IGFBPL1: variants seen among roughly 807,000 people sequenced by gnomAD.
IGFBPL1 encodes the protein insulin like growth factor binding protein like 1.
A neutral mutation model predicts 23.9 loss-of-function variants in IGFBPL1; 20 were observed. The ratio of observed to expected loss-of-function variants is 0.84; its 90% confidence interval spans 0.59 to 1.22. The LOEUF (loss-of-function observed/expected upper bound fraction) is 1.22, where lower values mean the gene tolerates loss of function less well. IGFBPL1 is among the 50% of genes most tolerant of loss of function. IGFBPL1 has a pLI of 0.00. For missense variants in IGFBPL1, 436 were observed against 379.3 expected, an observed-to-expected ratio of 1.15 and a Z score of -1.24; for synonymous variants, 184 against 171.8, an observed-to-expected ratio of 1.07 and a Z score of -0.56.
rs1264494892 is a variant in IGFBPL1 at position 38,424,078 on chromosome 9, C to G, written c.347G>C (p.Gly116Ala). 5 of 1,394,834 alleles carry G rather than the reference C, an allele frequency of 3.6e-6. No homozygotes were observed. The highest frequency in any genetic ancestry group is 4.6e-6 in the Non-Finnish European group (5 of 1,079,914). The allele number at this position is 1,394,834 out of a possible 1,614,324, so 86.4% of individuals were successfully genotyped here. A position where few individuals can be genotyped will look rare whatever the true frequency, so the allele number is the denominator to read the frequency against. ...GCTGGGGTACGAGCGACCGTCGGAGCCGCAGACGGTGCCGCGCTGCGCGCA... is the reference window on the plus strand; with the variant it reads ...GCTGGGGTACGAGCGACCGTCGGAGGCGCAGACGGTGCCGCGCTGCGCGCA... Reference protein sequence around the residue: ...CVCAQRGTVCGSDGRSYPSVC... With the variant: ...CVCAQRGTVCASDGRSYPSVC... Residue 116 changes from glycine to alanine, a missense_variant, in exon 1 of 5, where the codon GGC (glycine) becomes GCC (alanine). Gly to Ala is a moderately conservative substitution (Grantham distance 60). Transcript: ENST00000377694.
At chr9:38,422,043 T>C (rs776608250) in intron 1 of IGFBPL1, among the ~76,000 whole-genome samples, 1 of 152,178 alleles carries the variant, frequency 6.6e-6, no homozygotes, top group Non-Finnish European at 1.5e-5. Flanking sequence ...CATTTACTTG[T>C]CATTTGGTAA....
chr9:38,419,736 CT>C (rs1821648031), intron 1 of IGFBPL1, among the ~76,000 whole-genome samples: 1 of 152,204 alleles, frequency 6.6e-6, no homozygotes, highest in African/African-American at 2.4e-5. Flanking sequence ...CATCATAATA[CT>C]AAGGCCATAC....
rs981237442 is a variant in IGFBPL1, at chr9:38,406,576, A to G, written c.*2651T>C. The stretch of plus-strand genomic sequence containing the variant: ...TTCAGGGTGCAGGGGTCGTGACATC[A>G]TGACATCTACAAAAACGGTAGAAAA... On this transcript the variant is annotated 3_prime_UTR_variant, in exon 5 of 5. Transcript: ENST00000377694. 6.6e-6 allele frequency among the ~76,000 whole-genome samples: 1 copy of G among 152,186 alleles called. No homozygotes were observed. The highest frequency in any genetic ancestry group is 2.4e-5 in the African/African-American group (1 of 41,436).
rs1821441520 is a variant in IGFBPL1, at chr9:38,407,298, A to G, written c.*1929T>C. Among the ~76,000 whole-genome samples, 1 of 152,186 alleles carries G rather than the reference A, an allele frequency of 6.6e-6. No individual in the cohort carries two copies. The highest frequency in any genetic ancestry group is 6.5e-5 in the Admixed American group (1 of 15,284). The stretch of plus-strand genomic sequence containing the variant: ...GTTTGAAAACCACTCATCTAGTTTT[A>G]TTCCCTTTTTACTCAAATAAGGACA... On this transcript the variant is annotated 3_prime_UTR_variant, in exon 5 of 5. Transcript: ENST00000377694.
intron 1 of IGFBPL1, among the ~76,000 whole-genome samples, chr9:38,414,490 G>A (rs1259212202): frequency 6.6e-6 from 1 of 152,194 alleles, no homozygotes; most frequent in African/African-American, 2.4e-5. Context: ...TTGGGCCTCA[G>A]TGCTCCCTCC....
intron 1 of IGFBPL1, among the ~76,000 whole-genome samples, chr9:38,418,292 C>A (rs185778484): frequency 2.6e-5 from 4 of 152,314 alleles, no homozygotes; most frequent in Non-Finnish European, 5.9e-5. Flanking sequence ...CTTTCTCTGC[C>A]ACGTCCCAGT....
chr9:38,424,015 CG>C lies in IGFBPL1; in HGVS notation c.409del (p.Arg137AlafsTer42). ...ALRLRARHTPRAHPGHLHKAR... is the reference protein window; with the variant it reads ...ALRLRARHTPXAHPGHLHKAR... ...CTTGTGCAGGTGACCGGGGTGCGCG[CG>C]GGGCGTGTGCCGAGCGCGCAGGCGC... On this transcript the variant is annotated frameshift_variant, in exon 1 of 5. Transcript: ENST00000377694. LOFTEE classifies it high-confidence loss of function. 7.1e-7 allele frequency: 1 copy of C among 1,409,028 alleles called. No homozygotes were observed. Among genetic ancestry groups the C allele is most frequent in the South Asian group, 1.5e-5 (1 of 65,050 alleles). 87.3% of individuals were successfully genotyped at this position (1,409,028 alleles called of 1,614,324 possible).
At position 38,422,305 on chromosome 9, in the gene IGFBPL1, C is replaced by T. The variant is rs1391935055; in HGVS notation, c.460+1660G>A. On this transcript the variant is annotated intron_variant, in intron 1 of 4. Coordinates refer to ENST00000377694, the MANE Select transcript of IGFBPL1 (RefSeq NM_001007563.3). Reference sequence around the variant, plus strand: ...CTGAATGTCTTTAAGGTGCCTTTCTCTTAGGAAGAGAATGCCACTCTGGGG... The same window carrying T: ...CTGAATGTCTTTAAGGTGCCTTTCTTTTAGGAAGAGAATGCCACTCTGGGG... Among the ~76,000 whole-genome samples the T allele has an allele frequency of 3.3e-5, 5 of 152,174 alleles. No individual in the cohort carries two copies. In the East Asian group the frequency reaches 7.7e-4, roughly 23 times the overall value.
At chr9:38,417,088 A>T (rs979962400) in intron 1 of IGFBPL1, among the ~76,000 whole-genome samples, 1 of 152,316 alleles carries the variant, frequency 6.6e-6, no homozygotes, top group South Asian at 2.1e-4. Flanking sequence ...TTATTATGCT[A>T]TCAGCTAGCA....
At chr9:38,414,849 C>T (rs1008176446) in intron 1 of IGFBPL1, among the ~76,000 whole-genome samples, 1 of 152,136 alleles carries the variant, frequency 6.6e-6, no homozygotes, top group Non-Finnish European at 1.5e-5. Context: ...CAGAACATGA[C>T]GGAGAGGAGA....
chr9:38,414,131 A>C lies in IGFBPL1; in HGVS notation c.533T>G (p.Val178Gly). ...GATGACTGGGGTAGGCACAGCCCTC[A>C]CTTCACAGGACAGGCCCACCTGCGC... ...TGAQVGLSCE[V>G]RAVPTPVITW... Residue 178 changes from valine (V) to glycine (G), a missense_variant, in exon 2 of 5, where the codon GTG (valine) becomes GGG (glycine). Physicochemically the swap from Val to Gly is moderately radical, Grantham distance 109. Coordinates refer to ENST00000377694, the MANE Select transcript of IGFBPL1 (RefSeq NM_001007563.3). 2 of 1,612,704 alleles carry C rather than the reference A, an allele frequency of 1.2e-6. No homozygotes were observed. Among genetic ancestry groups the C allele is most frequent in the South Asian group, 2.2e-5 (2 of 91,012 alleles).
Position 38,407,704 on chromosome 9 carries a change from C to G in IGFBPL1, c.*1523G>C, listed in dbSNP as rs1821447143. 1.3e-5 allele frequency among the ~76,000 whole-genome samples: 2 copies of G among 152,232 alleles called. No individual in the cohort carries two copies. The highest frequency in any genetic ancestry group is 2.4e-5 in the African/African-American group (1 of 41,462). On this transcript the variant is annotated 3_prime_UTR_variant, in exon 5 of 5. Transcript: ENST00000377694. ...GGAGGGCCAGGTGCCCTGAGCTCTG[C>G]TCCTCTTTCAGAGGCCTTCAGGCCT...
At chr9:38,422,351 A>G (rs1392315569) in intron 1 of IGFBPL1, among the ~76,000 whole-genome samples, 3 of 152,228 alleles carry the variant, frequency 2.0e-5, no homozygotes, top group African/African-American at 4.8e-5. Context: ...TGAGATCATC[A>G]GCAGCATTTA....
chr9:38,415,732 G>A (rs1328144325), intron 1 of IGFBPL1, among the ~76,000 whole-genome samples: 1 of 152,190 alleles, frequency 6.6e-6, no homozygotes, highest in African/African-American at 2.4e-5. Flanking sequence ...CCACTGGTAA[G>A]AAGGTGCATC....
In IGFBPL1 at chr9:38,414,169, G is replaced by A. The variant is rs2118307277; in HGVS notation, c.495C>T (p.His165=). ...GGCCCACCTGCGCCCCGGTGACGTT[G>A]TGAACACTTCGGGGAGGAACGACGA... ...PVVVVPPRSV[H]NVTGAQVGLS... is the part of the protein sequence containing the mutation. Residue 165 remains histidine, a synonymous_variant, in exon 2 of 5, where the codon CAC becomes CAT. Transcript: ENST00000377694. 6.2e-7 allele frequency: 1 copy of A among 1,611,192 alleles called. No homozygotes were observed. Among genetic ancestry groups the A allele is most frequent in the Non-Finnish European group, 8.5e-7 (1 of 1,178,636 alleles).
At position 38,408,094 on chromosome 9, in the gene IGFBPL1, C is replaced by T. The variant is rs1045837387; in HGVS notation, c.*1133G>A. ...ATTTGATCGTCAGAAGCCTGGTATC[C>T]ACCGCTTCTAACCACCTGTTTAGAG... On this transcript the variant is annotated 3_prime_UTR_variant, in exon 5 of 5. Transcript: ENST00000377694. Among the ~76,000 whole-genome samples the T allele has an allele frequency of 6.6e-6, 1 of 151,720 alleles. No homozygotes were observed. The highest frequency in any genetic ancestry group is 1.5e-5 in the Non-Finnish European group (1 of 67,944).
rs1189017439 is a variant in IGFBPL1, at chr9:38,411,492, C to T, written c.745G>A (p.Val249Met). 3 of 1,613,950 alleles carry T rather than the reference C, an allele frequency of 1.9e-6. No homozygotes were observed. The highest frequency in any genetic ancestry group is 1.7e-6 in the Non-Finnish European group (2 of 1,179,950). The change falls in exon 4 of 5, where the codon GTG (valine) becomes ATG (methionine). Residue 249 changes from valine (V) to methionine (M), a missense_variant. By Grantham distance (21) the Val-to-Met change is conservative. Coordinates refer to ENST00000377694, the MANE Select transcript of IGFBPL1 (RefSeq NM_001007563.3). The part of the protein sequence containing the change: ...GVYQCHAANM[V>M]GEAESHSTVT... ...GTGCTGTGGGACTCAGCCTCTCCCA[C>T]CATGTTGGCTGCATGGCACTGGTAC... is the stretch of plus-strand genomic sequence containing the variant.
At chr9:38,411,340 A>T in intron 4 of IGFBPL1, 51 bp downstream of exon 4, 1 of 1,498,792 alleles carries the variant, frequency 6.7e-7, no homozygotes, top group Non-Finnish European at 9.1e-7. Context: ...AGCCACCTCA[A>T]ATATCTCATA....
At chr9:38,413,151 G>T in intron 3 of IGFBPL1, 86 bp downstream of exon 3, 8 of 950,956 alleles carry the variant, frequency 8.4e-6, no homozygotes, top group Non-Finnish European at 1.2e-5. Context: ...GGTAAGAACA[G>T]CTTTGAAACA....
Sources: allele counts gnomAD v4.1 joint callset (sites outside exome capture counted in the v4.1 genomes callset), GRCh38; gene constraint gnomAD v4.1.1; transcripts MANE v1.5; gene names NCBI Gene and HGNC (gene_info 2026-07-23, HGNC 2026-07-21).